CHORDC1: variants seen among roughly 807,000 people sequenced by gnomAD.
CHORDC1 encodes the protein cysteine and histidine-rich domain-containing protein 1.
A neutral mutation model predicts 48.3 loss-of-function variants in CHORDC1; 25 were observed. The ratio of observed to expected loss-of-function variants is 0.52; its 90% CI spans 0.38 to 0.72. CHORDC1 has a LOEUF of 0.72. CHORDC1 is among the 30% of genes least tolerant of loss of function. The probability of loss-of-function intolerance (pLI) is 0.00; values close to 1 mark genes in which losing one functional copy is unlikely to be tolerated. For synonymous variants in CHORDC1, 128 were observed against 126.4 expected, an observed-to-expected ratio of 1.01 and a Z score of -0.09; for missense variants, 317 against 388.7, an observed-to-expected ratio of 0.82 and a Z score of 1.55.
At chr11:90,212,633 A>G (rs1315011486) in intron 4 of CHORDC1, 4 of 152,058 alleles carry the variant, frequency 2.6e-5, no homozygotes, top group South Asian at 2.1e-4. Flanking sequence ...GTAAAAACTG[A>G]TATCCTCATA....
intron 1 of CHORDC1, among the ~76,000 whole-genome samples, chr11:90,221,510 TC>T (rs1858171685): frequency 6.6e-6 from 1 of 152,198 alleles, no homozygotes; most frequent in South Asian, 2.1e-4. Context: ...CAAATGACTA[TC>T]GCCCCTGAAC....
Position 90,214,008 on chromosome 11 carries a change from TA to T in CHORDC1, c.329+9del. On this transcript the variant is annotated intron_variant, in intron 4 of 10. Coordinates refer to ENST00000320585, the MANE Select transcript of CHORDC1 (RefSeq NM_012124.3). ...AGTGTGACAAAAATATGTAACTGTA[TA>T]AAGTATACCTTGGTCTTTTTATTGC... is the stretch of plus-strand genomic sequence containing the variant. 1.2e-6 allele frequency: 2 copies of T among 1,604,122 alleles called. No homozygotes were observed. Among genetic ancestry groups the T allele is most frequent in the Middle Eastern group, 3.3e-4 (2 of 5,992 alleles).
intron 2 of CHORDC1, among the ~76,000 whole-genome samples, chr11:90,216,952 A>G (rs1001134949): frequency 5.3e-5 from 8 of 152,246 alleles, no homozygotes; most frequent in South Asian, 2.1e-4. Context: ...AAAAAGACAC[A>G]GTAAAACAAA....
chr11:90,213,160 CTG>C (rs1857915449), intron 4 of CHORDC1: 2 of 367,308 alleles, frequency 5.4e-6, no homozygotes, highest in Middle Eastern at 7.3e-4. Context: ...TAGCAATAAT[CTG>C]TACTCAGAGT....
At chr11:90,220,057 G>C (rs947586679) in intron 1 of CHORDC1, among the ~76,000 whole-genome samples, 1 of 152,120 alleles carries the variant, frequency 6.6e-6, no homozygotes, top group Non-Finnish European at 1.5e-5. Flanking sequence ...TTTCTTTTAA[G>C]CTCATCAGCT....
chr11:90,222,807 G>T, intron 1 of CHORDC1, 84 bp downstream of exon 1: 2 of 1,257,360 alleles, frequency 1.6e-6, no homozygotes, highest in Non-Finnish European at 1.1e-6. Context: ...GGCTGCAGGA[G>T]ATCCGCGGAC....
intron 6 of CHORDC1, chr11:90,206,810 T>G: frequency 7.8e-7 from 1 of 1,281,516 alleles, no homozygotes; most frequent in Non-Finnish European, 1.0e-6. Context: ...AGATGGAGGC[T>G]CTACAGATGA....
At chr11:90,204,646 G>A (rs374082322) in intron 8 of CHORDC1, among the ~76,000 whole-genome samples, 9 of 152,038 alleles carry the variant, frequency 5.9e-5, no homozygotes, top group South Asian at 2.1e-4. Flanking sequence ...GCTTGAACCC[G>A]GGAGGCGGAG....
intron 3 of CHORDC1, 37 bp downstream of exon 3, chr11:90,215,137 T>C: frequency 8.4e-7 from 1 of 1,190,284 alleles, no homozygotes; most frequent in Non-Finnish European, 1.2e-6. Context: ...ACATGTATTT[T>C]TAGGAAGATA....
At chr11:90,206,669 G>T (rs374949434) in intron 6 of CHORDC1, 8 of 607,434 alleles carry the variant, frequency 1.3e-5, no homozygotes, top group African/African-American at 1.9e-5. Context: ...AATAATATGA[G>T]AAATCTAATA....
intron 6 of CHORDC1, chr11:90,206,753 T>C (rs977713647): frequency 5.8e-5 from 75 of 1,283,608 alleles, no homozygotes; most frequent in Non-Finnish European, 7.5e-5. Flanking sequence ...CAGACCTATA[T>C]ATATATCCAG....
chr11:90,213,782 C>T, intron 4 of CHORDC1: 1 of 467,242 alleles, frequency 2.1e-6, no homozygotes, highest in Non-Finnish European at 3.8e-6. Context: ...GATACATGTC[C>T]CTGTAATTAT....
At chr11:90,210,859 G>A (rs1002469721) in intron 5 of CHORDC1, 8 of 383,378 alleles carry the variant, frequency 2.1e-5, no homozygotes, top group Non-Finnish European at 3.2e-5. Context: ...ATGAAAGGGT[G>A]TTTTCCTCCC....
chr11:90,221,064 C>A (rs572238254), intron 1 of CHORDC1, among the ~76,000 whole-genome samples: 1 of 151,800 alleles, frequency 6.6e-6, no homozygotes, highest in Non-Finnish European at 1.5e-5. Flanking sequence ...TATAAGTCAA[C>A]GAGCACGGTA....
At chr11:90,206,009 C>T (rs1246105339) in intron 7 of CHORDC1, 193 bp downstream of exon 7, 1 of 583,562 alleles carries the variant, frequency 1.7e-6, no homozygotes, top group Non-Finnish European at 3.1e-6. Context: ...GAACTGTAAC[C>T]TTGTTTCTGT....
intron 1 of CHORDC1, among the ~76,000 whole-genome samples, chr11:90,221,674 TCA>T (rs896708769): frequency 2.0e-5 from 3 of 152,234 alleles, no homozygotes; most frequent in African/African-American, 7.2e-5. Context: ...GACTGAAATC[TCA>T]CAATTTTCCT....
chr11:90,222,984 C>T lies in CHORDC1; in HGVS notation c.-30G>A. 6.3e-7 allele frequency: 1 copy of T among 1,594,416 alleles called. No individual in the cohort carries two copies. On this transcript the variant is annotated 5_prime_UTR_variant, in exon 1 of 11. Transcript: ENST00000320585. ...TTTTCCCACCGTCACAGGCAAGGCC[C>T]AAACACCGGGAACGGCAAGAGGATG... is the stretch of plus-strand genomic sequence containing the variant.
At chr11:90,210,398 G>T in intron 6 of CHORDC1, 138 bp downstream of exon 6, 1 of 615,828 alleles carries the variant, frequency 1.6e-6, no homozygotes, top group Non-Finnish European at 2.9e-6. Context: ...TCTTATCCAT[G>T]ATTGTAGCCC....
intron 4 of CHORDC1, chr11:90,213,332 G>GA: frequency 1.8e-6 from 1 of 564,670 alleles, no homozygotes; most frequent in Non-Finnish European, 3.1e-6. Flanking sequence ...CCTACTTGCA[G>GA]CCAAAAAAAA....
Sources: allele counts gnomAD v4.1 joint callset (sites outside exome capture counted in the v4.1 genomes callset), GRCh38; gene constraint gnomAD v4.1.1; transcripts MANE v1.5; gene names NCBI Gene and HGNC (gene_info 2026-07-23, HGNC 2026-07-21).